The following MARCHF1 variants were observed in gnomAD, a reference collection of about 807,000 sequenced individuals.
The protein encoded by MARCHF1 is E3 ubiquitin-protein ligase MARCHF1.
In MARCHF1, 40 loss-of-function variants were observed where a neutral mutation model predicts 54.2. The observed-to-expected ratio is 0.74, with a 90% CI of 0.57 to 0.96. The LOEUF is 0.96. MARCHF1 is among the 40% of genes least tolerant of loss of function. MARCHF1 has a pLI of 0.00. For missense variants in MARCHF1, 586 were observed against 656.5 expected (o/e 0.89, Z 1.17); for synonymous variants, 236 against 236.3 (o/e 1.00, Z 0.01).
intron 3 of MARCHF1, 48 bp from the exon 4 acceptor site, chr4:163,854,217 G>C (rs1749710020): frequency 7.5e-7 from 1 of 1,339,746 alleles, no homozygotes; most frequent in Non-Finnish European, 9.8e-7. Flanking sequence ...TTTTAGCTGT[G>C]TTTTGGAAAA....
At chr4:163,693,846 G>A (rs1031359506) in intron 5 of MARCHF1, among the ~76,000 whole-genome samples, 13 of 152,152 alleles carry the variant, frequency 8.5e-5, no homozygotes, top group African/African-American at 3.1e-4. Context: ...ACTTGGGAGA[G>A]CAAGAAATAT....
At chr4:164,174,938 G>A (rs976181429) in intron 1 of MARCHF1, among the ~76,000 whole-genome samples, 16 of 152,064 alleles carry the variant, frequency 1.1e-4, no homozygotes, top group African/African-American at 3.6e-4. Context: ...TTGGCTATGA[G>A]ATATCTTGGG....
At chr4:164,316,273 T>G (rs191175909) in intron 1 of MARCHF1, among the ~76,000 whole-genome samples, 7 of 152,298 alleles carry the variant, frequency 4.6e-5, no homozygotes, top group Admixed American at 4.6e-4. Flanking sequence ...ATGACTTCTT[T>G]GTTTTGAGGA....
Position 164,210,226 on chromosome 4 carries a change from C to T in MARCHF1, c.-322-98564G>A, listed in dbSNP as rs540526430. The stretch of plus-strand genomic sequence containing the variant: ...ACATTTTCCTAAGTATGAGAGACTT[C>T]GGATCATTTATCAGCATCTGCGAAG... On this transcript the variant is annotated intron_variant, in intron 1 of 9. Coordinates refer to ENST00000514618, the MANE Select transcript of MARCHF1 (RefSeq NM_001394959.1). Among the ~76,000 whole-genome samples, 16 of 152,194 alleles carry T rather than the reference C, an allele frequency of 1.1e-4. No individual in the cohort carries two copies. The East Asian group carries it at 1.9e-3, about 18-fold the overall frequency.
At chr4:163,903,622 T>TC in intron 3 of MARCHF1, among the ~76,000 whole-genome samples, 1 of 152,066 alleles carries the variant, frequency 6.6e-6, no homozygotes. Context: ...TTTCTTTCTT[T>TC]TTTTTGAGAC....
At chr4:163,662,256 C>T (rs893130443) in intron 5 of MARCHF1, among the ~76,000 whole-genome samples, 2 of 151,828 alleles carry the variant, frequency 1.3e-5, no homozygotes. Context: ...CTGTCTCATC[C>T]TGGAACTCTT....
chr4:164,007,646 C>G lies in MARCHF1; in HGVS notation c.-247-18937G>C, dbSNP rs111558009. On this transcript the variant is annotated intron_variant, in intron 2 of 9. Transcript: ENST00000514618. ...AGAATTTATTTCTCTCTCTCTCTCT[C>G]TGTGTGTGTGTGTGTGTGTGTGTGT... is the stretch of plus-strand genomic sequence containing the variant. Among the ~76,000 whole-genome samples the G allele has an allele frequency of 3.2e-3, 450 of 139,998 alleles. 2 individuals are homozygous for G. The highest frequency in any genetic ancestry group is 0.011 in the African/African-American group (415 of 36,812). 91.8% of individuals were successfully genotyped at this position (139,998 alleles called of 152,430 possible).
chr4:163,664,657 A>G (rs1339130928), intron 5 of MARCHF1, among the ~76,000 whole-genome samples: 1 of 152,090 alleles, frequency 6.6e-6, no homozygotes, highest in African/African-American at 2.4e-5. Context: ...TGTAGGGTCA[A>G]TTTATCTAGT....
chr4:163,822,248 A>G (rs1189444901), intron 4 of MARCHF1, among the ~76,000 whole-genome samples: 1 of 151,892 alleles, frequency 6.6e-6, no homozygotes, highest in Non-Finnish European at 1.5e-5. Flanking sequence ...TAATTCCTTT[A>G]TTACATAGAA....
chr4:164,350,625 C>T (rs1488107789), intron 1 of MARCHF1, among the ~76,000 whole-genome samples: 1 of 152,122 alleles, frequency 6.6e-6, no homozygotes, highest in African/African-American at 2.4e-5. Flanking sequence ...TAAATATGTA[C>T]AATTATTTCT....
chr4:163,633,087 C>T (rs1184695991), intron 5 of MARCHF1, among the ~76,000 whole-genome samples: 2 of 151,662 alleles, frequency 1.3e-5, no homozygotes, highest in South Asian at 2.1e-4. Context: ...CACACCAAAA[C>T]CCATCTGTAC....
At chr4:163,933,299 A>G in intron 3 of MARCHF1, 3 of 594,702 alleles carry the variant, frequency 5.0e-6, no homozygotes, top group Non-Finnish European at 9.6e-6. Flanking sequence ...AAACCTTTTT[A>G]CATATCTCCA....
intron 4 of MARCHF1, among the ~76,000 whole-genome samples, chr4:163,745,867 G>T (rs1479290663): frequency 6.6e-6 from 1 of 151,822 alleles, no homozygotes; most frequent in Non-Finnish European, 1.5e-5. Context: ...TTATTTTTTA[G>T]AGCCGTTTTA....
chr4:164,143,873 C>A (rs1214314738), intron 1 of MARCHF1, among the ~76,000 whole-genome samples: 1 of 152,166 alleles, frequency 6.6e-6, no homozygotes. Flanking sequence ...AAGACACAGA[C>A]TGGCAAATTG....
intron 2 of MARCHF1, among the ~76,000 whole-genome samples, chr4:164,001,919 T>C (rs1230523335): frequency 6.6e-6 from 1 of 151,814 alleles, no homozygotes; most frequent in Non-Finnish European, 1.5e-5. Context: ...ACAAAACAAA[T>C]ATCAGAGTTT....
chr4:163,687,416 T>G (rs539433038), intron 5 of MARCHF1, among the ~76,000 whole-genome samples: 1 of 152,008 alleles, frequency 6.6e-6, no homozygotes, highest in Non-Finnish European at 1.5e-5. Flanking sequence ...TTAGTAGATA[T>G]GGGGTTTCAC....
chr4:163,908,494 CATTAAATGCTGAATAA>C (rs1414808611), intron 3 of MARCHF1, among the ~76,000 whole-genome samples: 3 of 152,102 alleles, frequency 2.0e-5, no homozygotes, highest in Non-Finnish European at 4.4e-5. Flanking sequence ...ATTCCAAGTT[CATTAAATGCTGAATAA>C]ATTAAAATGA....
chr4:163,975,510 A>G (rs1482877180), intron 3 of MARCHF1, among the ~76,000 whole-genome samples: 2 of 152,190 alleles, frequency 1.3e-5, no homozygotes, highest in Non-Finnish European at 2.9e-5. Flanking sequence ...TACCTTCCTC[A>G]GTTGTTACCA....
chr4:163,883,348 T>TTC (rs1491175367), intron 3 of MARCHF1, among the ~76,000 whole-genome samples: 1 of 1,754 alleles, frequency 5.7e-4, no homozygotes, highest in East Asian at 4.7e-3. Context: ...TACGGATGTA[T>TTC]TTTTTTTTTT....
Sources: gnomAD v4.1 joint callset for allele counts (sites outside exome capture counted in the v4.1 genomes callset) on GRCh38, gnomAD v4.1.1 for gene constraint, MANE v1.5 for transcripts, NCBI Gene and HGNC (gene_info 2026-07-23, HGNC 2026-07-21) for gene names.